MSRB2: variants seen among roughly 807,000 people sequenced by gnomAD.
The protein encoded by MSRB2 is methionine-R-sulfoxide reductase B2, mitochondrial.
Under a neutral mutation model 19.0 loss-of-function variants are expected in MSRB2, and 17 were observed. The ratio of observed to expected loss-of-function variants is 0.89; its 90% CI spans 0.61 to 1.34. MSRB2 has a LOEUF of 1.34. Ranked by LOEUF, MSRB2 falls within the 40% of genes most tolerant of loss-of-function variation. The pLI is 0.00. For synonymous variants in MSRB2, 107 were observed against 99.7 expected, an observed-to-expected ratio of 1.07 and a Z score of -0.44; for missense variants, 208 against 237.6, an observed-to-expected ratio of 0.88 and a Z score of 0.82.
In MSRB2 at chr10:23,096,561, TTA is replaced by T. The variant is rs575235694; in HGVS notation, c.118+839_118+840del. Reference sequence around the variant, plus strand: ...AGACTGACCCACTCTGAATCCAATTTTATATGTGTTCATTGAAGACATTCAGA... The same window carrying T: ...AGACTGACCCACTCTGAATCCAATTTTATGTGTTCATTGAAGACATTCAGA... On this transcript the variant is annotated intron_variant, in intron 1 of 4. Coordinates refer to ENST00000376510, the MANE Select transcript of MSRB2 (RefSeq NM_012228.4). 2.2e-3 allele frequency among the ~76,000 whole-genome samples: 340 copies of T among 152,266 alleles called. 2 individuals carry two copies. Among genetic ancestry groups the T allele is most frequent in the African/African-American group, 7.8e-3 (322 of 41,530 alleles).
chr10:23,110,270 A>G lies in MSRB2; in HGVS notation c.248A>G (p.Lys83Arg). Residue 83 changes from lysine to arginine, a missense_variant, in exon 3 of 5, where the codon AAG (lysine) becomes AGG (arginine). Coordinates refer to ENST00000376510, the MANE Select transcript of MSRB2 (RefSeq NM_012228.4). ...TTCAGTGGGATCTACCTGAATAACAAGGAAGCAGGAATGTATCATTGCGTG... is the reference window on the plus strand; with the variant it reads ...TTCAGTGGGATCTACCTGAATAACAGGGAAGCAGGAATGTATCATTGCGTG... ...PPFSGIYLNNKEAGMYHCVCC... is the reference protein window; with the variant it reads ...PPFSGIYLNNREAGMYHCVCC... 6.2e-7 allele frequency: 1 copy of G among 1,614,030 alleles called. No homozygotes were observed. Among genetic ancestry groups the G allele is most frequent in the Non-Finnish European group, 8.5e-7 (1 of 1,179,936 alleles).
At chr10:23,103,710 G>C (rs2131623922) in intron 1 of MSRB2, among the ~76,000 whole-genome samples, 1 of 152,260 alleles carries the variant, frequency 6.6e-6, no homozygotes, top group South Asian at 2.1e-4. Context: ...AACTAGCAAG[G>C]GAGAAGAGTT....
At position 23,107,622 on chromosome 10, in the gene MSRB2, C is replaced by T. The variant is rs139384126; in HGVS notation, c.220-2620C>T. Among the ~76,000 whole-genome samples the T allele has an allele frequency of 7.2e-3, 1,091 of 152,324 alleles. 7 individuals are homozygous for T. The highest frequency in any genetic ancestry group is 0.012 in the Non-Finnish European group (827 of 68,024). On this transcript the variant is annotated intron_variant, in intron 2 of 4. Coordinates refer to ENST00000376510, the MANE Select transcript of MSRB2 (RefSeq NM_012228.4). ...CCCCCCTTCGTAGTGAAGGGTACAG[C>T]GCTACCCGAACTCCATGCCATCTCT... is the stretch of plus-strand genomic sequence containing the variant.
At chr10:23,101,131 A>G (rs955779693) in intron 1 of MSRB2, among the ~76,000 whole-genome samples, 2 of 152,166 alleles carry the variant, frequency 1.3e-5, no homozygotes, top group East Asian at 1.9e-4. Context: ...ATGGTACCCA[A>G]TGTGTAGTCT....
At chr10:23,107,557 T>C (rs1001776344) in intron 2 of MSRB2, among the ~76,000 whole-genome samples, 2 of 152,206 alleles carry the variant, frequency 1.3e-5, no homozygotes, top group Non-Finnish European at 2.9e-5. Flanking sequence ...CTTCCTCCCA[T>C]CTCAGATAAT....
At chr10:23,115,799 T>A (rs945380527) in intron 3 of MSRB2, among the ~76,000 whole-genome samples, 3 of 152,194 alleles carry the variant, frequency 2.0e-5, no homozygotes, top group Non-Finnish European at 4.4e-5. Flanking sequence ...TCAATAAAGG[T>A]TTATTGTTTC....
At chr10:23,099,257 G>A (rs375823735) in intron 1 of MSRB2, among the ~76,000 whole-genome samples, 1 of 152,176 alleles carries the variant, frequency 6.6e-6, no homozygotes, top group East Asian at 1.9e-4. Context: ...CCTGACCTGG[G>A]TGTACCCAAC....
chr10:23,120,002 T>C (rs1041429960), intron 4 of MSRB2, among the ~76,000 whole-genome samples: 1 of 152,232 alleles, frequency 6.6e-6, no homozygotes, highest in African/African-American at 2.4e-5. Context: ...TAATGTGGCC[T>C]TTCCTGGTTC....
At chr10:23,119,534 G>T in intron 4 of MSRB2, 83 bp downstream of exon 4, 1 of 1,508,584 alleles carries the variant, frequency 6.6e-7, no homozygotes, top group Non-Finnish European at 9.0e-7. Context: ...CAAATCTGGT[G>T]TCCTTTTATA....
rs144070095 is a variant in MSRB2 at position 23,109,189 on chromosome 10, T to A, written c.220-1053T>A. ...TCTTCATGGTCAGCTTGTGCAAGGG[T>A]TGTTTTTTATTTAATTTTCTTTGAC... On this transcript the variant is annotated intron_variant, in intron 2 of 4. Transcript: ENST00000376510. Among the ~76,000 whole-genome samples the A allele has an allele frequency of 2.4e-3, 360 of 152,150 alleles. 1 individual carries two copies. The highest frequency in any genetic ancestry group is 7.9e-3 in the African/African-American group (329 of 41,496).
chr10:23,119,709 C>T (rs1384913057), intron 4 of MSRB2, among the ~76,000 whole-genome samples: 1 of 152,184 alleles, frequency 6.6e-6, no homozygotes, highest in African/African-American at 2.4e-5. Flanking sequence ...GTTCAAGTGC[C>T]TCAGCCTCCC....
chr10:23,119,349 C>A lies in MSRB2; in HGVS notation c.342C>A (p.Ser114=), dbSNP rs7427. ...YCSGTGWPSF[S]EAHGTSGSDE... is the part of the protein sequence containing the mutation. ...CTGGCACTGGGTGGCCTTCGTTTTC[C>A]GAGGCTCATGGTACGTCTGGCTCTG... The change falls in exon 4 of 5, where the codon TCC becomes TCA. Residue 114 remains serine (S), a synonymous_variant. Coordinates refer to ENST00000376510, the MANE Select transcript of MSRB2 (RefSeq NM_012228.4). The A allele has an allele frequency of 6.2e-7, 1 of 1,613,882 alleles. No homozygotes were observed. Among genetic ancestry groups the A allele is most frequent in the Middle Eastern group, 1.7e-4 (1 of 6,060 alleles).
intron 1 of MSRB2, among the ~76,000 whole-genome samples, chr10:23,100,555 A>G (rs1230042828): frequency 6.6e-6 from 1 of 152,216 alleles, no homozygotes; most frequent in Non-Finnish European, 1.5e-5. Flanking sequence ...GAAACTTACA[A>G]TCATGATGTA....
intron 1 of MSRB2, among the ~76,000 whole-genome samples, chr10:23,103,728 C>T (rs1054907261): frequency 6.6e-6 from 1 of 152,114 alleles, no homozygotes; most frequent in Non-Finnish European, 1.5e-5. Context: ...GTTTAATAAC[C>T]GACTAGCTCA....
At chr10:23,119,100 T>C (rs1426440279) in intron 3 of MSRB2, 4 of 687,192 alleles carry the variant, frequency 5.8e-6, no homozygotes, top group Non-Finnish European at 1.1e-5. Context: ...CAAGAAGTCC[T>C]TCCACTTCGA....
At chr10:23,110,121 C>T (rs1840033254) in intron 2 of MSRB2, 121 bp from the exon 3 acceptor site, 1 of 709,884 alleles carries the variant, frequency 1.4e-6, no homozygotes, top group Non-Finnish European at 2.4e-6. Context: ...GTTATTTGCA[C>T]TTCGTCAAAT....
In MSRB2 at chr10:23,105,569, G is replaced by A. The variant is rs925319806; in HGVS notation, c.219+1325G>A. On this transcript the variant is annotated intron_variant, in intron 2 of 4. Coordinates refer to ENST00000376510, the MANE Select transcript of MSRB2 (RefSeq NM_012228.4). ...CACATATAAATGAGAACATAGTGCC[G>A]CGTTGCTTAACAAGTGGTCTGTCTT... Among the ~76,000 whole-genome samples the A allele has an allele frequency of 3.8e-4, 58 of 152,044 alleles. 2 individuals are homozygous for A. Among genetic ancestry groups the A allele is most frequent in the Admixed American group, 2.5e-3 (38 of 15,266 alleles).
chr10:23,110,392 C>T (rs1840037509), intron 3 of MSRB2, 74 bp downstream of exon 3: 1 of 1,241,418 alleles, frequency 8.1e-7, no homozygotes, highest in East Asian at 2.3e-5. Flanking sequence ...CATTTGAGAT[C>T]TTGGATAAAT....
intron 1 of MSRB2, among the ~76,000 whole-genome samples, chr10:23,101,666 A>G (rs1410663951): frequency 6.6e-6 from 1 of 152,180 alleles, no homozygotes; most frequent in African/African-American, 2.4e-5. Context: ...AAATGGGAAG[A>G]GAGCTGACTG....
Sources: gnomAD v4.1 joint callset for allele counts (sites outside exome capture counted in the v4.1 genomes callset) on GRCh38, gnomAD v4.1.1 for gene constraint, MANE v1.5 for transcripts, NCBI Gene and HGNC (gene_info 2026-07-23, HGNC 2026-07-21) for gene names.